The following ADNP variants were observed in gnomAD, a reference collection of about 807,000 sequenced individuals.
ADNP encodes activity-dependent neuroprotector homeobox protein.
Under a neutral mutation model 84.9 loss-of-function variants are expected in ADNP, and 4 were observed. That is an observed-to-expected ratio of 0.05 (90% CI 0.02 to 0.11). ADNP has a LOEUF of 0.11. ADNP is among the 10% of genes least tolerant of loss of function. The pLI is 1.00. For missense variants in ADNP, 1,132 were observed against 1,326.0 expected, an observed-to-expected ratio of 0.85 and a Z score of 2.27; for synonymous variants, 554 against 468.1, an observed-to-expected ratio of 1.18 and a Z score of -2.37.
intron 2 of ADNP, among the ~76,000 whole-genome samples, chr20:50,909,001 C>G (rs1009828137): frequency 6.6e-6 from 1 of 151,720 alleles, no homozygotes; most frequent in Admixed American, 6.6e-5. Flanking sequence ...CAAAAATTGT[C>G]CCAGAGATGG....
rs755471290 is a variant in ADNP, at chr20:50,892,161, CTCA to C, written c.2550_2552del (p.Asp850del). Reference sequence around the variant, plus strand: ...TACTAGCATTGACTCTGGAATCCTTCTCATCATGATTTTCAAATAGCCACTCAG... The same window carrying C: ...TACTAGCATTGACTCTGGAATCCTTCTCATGATTTTCAAATAGCCACTCAG... On this transcript the variant is annotated inframe_deletion, in exon 6 of 6. Transcript: ENST00000621696. 53 of 1,614,034 alleles carry C rather than the reference CTCA, an allele frequency of 3.3e-5. No homozygotes were observed. Among genetic ancestry groups the C allele is most frequent in the Non-Finnish European group, 4.2e-5 (49 of 1,180,048 alleles).
intron 5 of ADNP, among the ~76,000 whole-genome samples, chr20:50,899,392 G>A (rs531606203): frequency 6.6e-6 from 1 of 152,122 alleles, no homozygotes; most frequent in South Asian, 2.1e-4. Flanking sequence ...CGTATTTTTA[G>A]TAGAGAGGGG....
chr20:50,909,571 TAG>T (rs1290275837), intron 2 of ADNP: 5 of 152,176 alleles, frequency 3.3e-5, no homozygotes, highest in Admixed American at 6.6e-5. Flanking sequence ...GTGCTAGGAA[TAG>T]AGAGATGAGT....
rs1022486904 is a variant in ADNP, at chr20:50,892,444, T to C, written c.2270A>G (p.Lys757Arg). The C allele has an allele frequency of 1.9e-6, 3 of 1,614,058 alleles. No individual in the cohort carries two copies. The highest frequency in any genetic ancestry group is 4.5e-5 in the East Asian group (2 of 44,894). ...EEPVVLALDP[K>R]GHEDDSYEAR... The stretch of plus-strand genomic sequence containing the variant: ...TTCATAGGAATCATCTTCATGACCC[T>C]TGGGGTCTAAAGCTAAAACAACAGG... The change falls in exon 6 of 6, where the codon AAG becomes AGG. Residue 757 changes from lysine to arginine, a missense_variant. Physicochemically the swap from Lys to Arg is conservative, Grantham distance 26. This residue lies in a region of ADNP where 101 missense variants were observed against 78.5 expected (regional missense o/e 1.29). Coordinates refer to ENST00000621696, the MANE Select transcript of ADNP (RefSeq NM_001282531.3).
chr20:50,892,308 G>T lies in ADNP; in HGVS notation c.2406C>A (p.Ser802=), dbSNP rs146508276. The T allele has an allele frequency of 8.6e-5, 139 of 1,614,088 alleles. No individual in the cohort carries two copies. The highest frequency in any genetic ancestry group is 1.0e-4 in the Non-Finnish European group (122 of 1,180,026). ...SLWLWKSDIA[S]HFSNKRKKCV... Reference sequence around the variant, plus strand: ...ACTTCTTCCTTTTGTTACTAAAATGGGAAGCGATGTCACTCTTCCATAACC... The same window carrying T: ...ACTTCTTCCTTTTGTTACTAAAATGTGAAGCGATGTCACTCTTCCATAACC... Residue 802 remains serine, a synonymous_variant, in exon 6 of 6, where the codon TCC becomes TCA. Transcript: ENST00000621696.
In ADNP at chr20:50,892,280, C is replaced by T; in HGVS notation, c.2434G>A (p.Val812Ile). The stretch of plus-strand genomic sequence containing the variant: ...GGCTTGTACTTTTCACAATCACGGA[C>T]ACACTTCTTCCTTTTGTTACTAAAA... ...SHFSNKRKKC[V>I]RDCEKYKPGV... Residue 812 changes from valine (V) to isoleucine (I), a missense_variant, in exon 6 of 6, where the codon GTC (valine) becomes ATC (isoleucine). Physicochemically the swap from Val to Ile is conservative, Grantham distance 29. Coordinates refer to ENST00000621696, the MANE Select transcript of ADNP (RefSeq NM_001282531.3). 6.2e-7 allele frequency: 1 copy of T among 1,614,168 alleles called. No homozygotes were observed. The highest frequency in any genetic ancestry group is 8.5e-7 in the Non-Finnish European group (1 of 1,180,042).
chr20:50,922,410 G>C (rs1390494997), intron 2 of ADNP, among the ~76,000 whole-genome samples: 1 of 151,972 alleles, frequency 6.6e-6, no homozygotes, highest in African/African-American at 2.4e-5. Flanking sequence ...CTATTAATTT[G>C]CTGGAGCATC....
At chr20:50,910,110 G>A (rs1347142042) in intron 2 of ADNP, among the ~76,000 whole-genome samples, 3 of 151,990 alleles carry the variant, frequency 2.0e-5, no homozygotes, top group African/African-American at 7.3e-5. Flanking sequence ...GGGAAGATAG[G>A]GTATTTATGC....
Position 50,893,906 on chromosome 20 carries a change from G to C in ADNP, c.808C>G (p.Leu270Val). 1.2e-6 allele frequency: 2 copies of C among 1,614,172 alleles called. No homozygotes were observed. The highest frequency in any genetic ancestry group is 1.7e-6 in the Non-Finnish European group (2 of 1,179,992). ...VVVPRSKPLM[L>V]IAPKPQDKKS... ...TTGTCTTGAGGTTTGGGAGCAATTA[G>C]CATCAAGGGTTTGGATCGGGGAACC... is the stretch of plus-strand genomic sequence containing the variant. Residue 270 changes from leucine (L) to valine (V), a missense_variant, in exon 6 of 6, where the codon CTA (leucine) becomes GTA (valine). Physicochemically the swap from Leu to Val is conservative, Grantham distance 32. This residue lies in a region of ADNP where 239 missense variants were observed against 213.2 expected (regional missense o/e 1.12). Coordinates refer to ENST00000621696, the MANE Select transcript of ADNP (RefSeq NM_001282531.3). The surrounding 1 kb of genome is among the most constrained non-coding windows in gnomAD (Gnocchi z 4.4).
rs903231386 is a variant in ADNP at position 50,890,049 on chromosome 20, ATT to A, written c.*1354_*1355del. On this transcript the variant is annotated 3_prime_UTR_variant, in exon 6 of 6. Transcript: ENST00000621696. ...CCATGTTTACATTTTTTTTTTTATCATTGAGACATTTACATATATATGCAGGC... is the reference window on the plus strand; with the variant it reads ...CCATGTTTACATTTTTTTTTTTATCAGAGACATTTACATATATATGCAGGC... 1 of 345,224 alleles carries A rather than the reference ATT, an allele frequency of 2.9e-6. No individual in the cohort carries two copies. Among genetic ancestry groups the A allele is most frequent in the Non-Finnish European group, 5.1e-6 (1 of 194,336 alleles). The allele number at this position is 345,224 out of a possible 1,614,324, so 21.4% of individuals were successfully genotyped here.
At position 50,890,780 on chromosome 20, in the gene ADNP, CTAAG is replaced by C. The variant is rs953713476; in HGVS notation, c.*621_*624del. 8.8e-6 allele frequency: 3 copies of C among 339,280 alleles called. No homozygotes were observed. Among genetic ancestry groups the C allele is most frequent in the Admixed American group, 6.5e-5 (1 of 15,460 alleles). The allele number at this position is 339,280 out of a possible 1,614,324, so 21.0% of individuals were successfully genotyped here. A position where few individuals can be genotyped will look rare whatever the true frequency, so the allele number is the denominator to read the frequency against. ...GATTGTACAAGGTTATGTGCAAAAA[CTAAG>C]TCTGTCCAAAAAGTCCATACTAGCG... is the stretch of plus-strand genomic sequence containing the variant. On this transcript the variant is annotated 3_prime_UTR_variant, in exon 6 of 6. Coordinates refer to ENST00000621696, the MANE Select transcript of ADNP (RefSeq NM_001282531.3).
intron 2 of ADNP, among the ~76,000 whole-genome samples, chr20:50,925,288 AC>A (rs997115229): frequency 8.0e-5 from 12 of 150,474 alleles, no homozygotes; most frequent in Middle Eastern, 6.9e-3. Flanking sequence ...ACACACACAC[AC>A]ACTACATAAT....
chr20:50,891,182 G>T lies in ADNP; in HGVS notation c.*223C>A. On this transcript the variant is annotated 3_prime_UTR_variant, in exon 6 of 6. Transcript: ENST00000621696. Reference sequence around the variant, plus strand: ...TGTATTCATGAGTCACCAGCTTATTGGTTTTTCACATTTAGTTACCGTGTC... The same window carrying T: ...TGTATTCATGAGTCACCAGCTTATTTGTTTTTCACATTTAGTTACCGTGTC... 7.6e-7 allele frequency: 1 copy of T among 1,310,544 alleles called. No individual in the cohort carries two copies. Among genetic ancestry groups the T allele is most frequent in the Middle Eastern group, 2.8e-4 (1 of 3,534 alleles). 81.2% of individuals were successfully genotyped at this position (1,310,544 alleles called of 1,614,324 possible).
At chr20:50,907,361 G>A (rs1982585415) in intron 2 of ADNP, among the ~76,000 whole-genome samples, 1 of 146,340 alleles carries the variant, frequency 6.8e-6, no homozygotes, top group Admixed American at 6.7e-5. Flanking sequence ...CTGCCTCCCA[G>A]GCTCAAGCAA....
rs1332875415 is a variant in ADNP at position 50,889,657 on chromosome 20, A to G, written c.*1748T>C. On this transcript the variant is annotated 3_prime_UTR_variant, in exon 6 of 6. Coordinates refer to ENST00000621696, the MANE Select transcript of ADNP (RefSeq NM_001282531.3). ...CAGCCACTTCAGACTTCTTTAGGCC[A>G]CTATCCTTGAGGTGACTGACCAGCC... 3 of 384,764 alleles carry G rather than the reference A, an allele frequency of 7.8e-6. No individual in the cohort carries two copies. The highest frequency in any genetic ancestry group is 4.1e-5 in the African/African-American group (2 of 48,394). 23.8% of individuals were successfully genotyped at this position (384,764 alleles called of 1,614,324 possible). A position where few individuals can be genotyped will look rare whatever the true frequency, so the allele number is the denominator to read the frequency against.
Position 50,892,189 on chromosome 20 carries a change from G to C in ADNP, c.2525C>G (p.Ala842Gly). ...ATCATGATTTTCAAATAGCCACTCA[G>C]CATCAAAATCCATCTCATGCTTGAC... ...NKVKHEMDFDAEWLFENHDEK... is the reference protein window; with the variant it reads ...NKVKHEMDFDGEWLFENHDEK... The change falls in exon 6 of 6, where the codon GCT becomes GGT. Residue 842 changes from alanine to glycine, a missense_variant. Around this residue, in one of 10 missense-constraint regions of ADNP, gnomAD observed 381 missense variants for 319.9 expected, o/e 1.19. Coordinates refer to ENST00000621696, the MANE Select transcript of ADNP (RefSeq NM_001282531.3). The C allele has an allele frequency of 6.2e-7, 1 of 1,614,106 alleles. No individual in the cohort carries two copies. Among genetic ancestry groups the C allele is most frequent in the Non-Finnish European group, 8.5e-7 (1 of 1,180,036 alleles).
In ADNP at chr20:50,893,720, A is replaced by G; in HGVS notation, c.994T>C (p.Tyr332His). ...MSSVHLQQNN[Y>H]GVKSVGQGYS... ...CCCTGGCCTACAGATTTGACTCCATAGTTGTTCTGCTGCAGATGAACACTG... is the reference window on the plus strand; with the variant it reads ...CCCTGGCCTACAGATTTGACTCCATGGTTGTTCTGCTGCAGATGAACACTG... Residue 332 changes from tyrosine to histidine, a missense_variant, in exon 6 of 6, where the codon TAT (tyrosine) becomes CAT (histidine). Tyr to His is a moderately conservative substitution (Grantham distance 83). Around this residue, in one of 10 missense-constraint regions of ADNP, gnomAD observed 239 missense variants for 213.2 expected, o/e 1.12. Transcript: ENST00000621696. The surrounding 1 kb of genome is among the most constrained non-coding windows in gnomAD (Gnocchi z 4.4). 1 of 1,614,092 alleles carries G rather than the reference A, an allele frequency of 6.2e-7. No individual in the cohort carries two copies. The highest frequency in any genetic ancestry group is 8.5e-7 in the Non-Finnish European group (1 of 1,180,038).
At chr20:50,920,882 T>C (rs1983915447) in intron 2 of ADNP, among the ~76,000 whole-genome samples, 1 of 151,972 alleles carries the variant, frequency 6.6e-6, no homozygotes, top group Admixed American at 6.6e-5. Flanking sequence ...TAACAAGAGG[T>C]AGGGTGACAT....
chr20:50,931,138 C>A lies in ADNP; in HGVS notation c.-577G>T. On this transcript the variant is annotated 5_prime_UTR_variant, in exon 1 of 6. Coordinates refer to ENST00000621696, the MANE Select transcript of ADNP (RefSeq NM_001282531.3). ...CGGCGCGGGCGGCGGCGGCCGCGCT[C>A]CTCTCGCTCCTCAGCAGCGGGGACC... 1 of 152,032 alleles carries A rather than the reference C, an allele frequency of 6.6e-6. No homozygotes were observed. The highest frequency in any genetic ancestry group is 1.8e-4 in the South Asian group (1 of 5,626). 9.4% of individuals were successfully genotyped at this position (152,032 alleles called of 1,614,324 possible). A position where few individuals can be genotyped will look rare whatever the true frequency, so the allele number is the denominator to read the frequency against.
Sources: gnomAD v4.1 joint callset for allele counts (sites outside exome capture counted in the v4.1 genomes callset) on GRCh38, gnomAD v4.1.1 for gene constraint, gnomAD v4.1.1 regional missense constraint, Gnocchi (gnomAD v3.1) non-coding constraint, MANE v1.5 for transcripts, NCBI Gene and HGNC (gene_info 2026-07-23, HGNC 2026-07-21) for gene names.